The following EPHA4 variants were observed in gnomAD, a reference collection of about 807,000 sequenced individuals.
EPHA4 encodes the protein EPH receptor A4.
In EPHA4, 19 loss-of-function variants were observed where a neutral mutation model predicts 108.3. The ratio of observed to expected loss-of-function variants is 0.18; its 90% CI spans 0.12 to 0.26. EPHA4 has a LOEUF of 0.26. Among genes scored for constraint, EPHA4 ranks in the 10% least tolerant of loss-of-function variants. EPHA4 has a pLI of 1.00. For synonymous variants in EPHA4, 449 were observed against 455.5 expected (o/e 0.99, Z 0.18); for missense variants, 917 against 1,254.0 (o/e 0.73, Z 4.06).
At chr2:221,509,448 T>C (rs1692758681) in intron 3 of EPHA4, among the ~76,000 whole-genome samples, 1 of 152,228 alleles carries the variant, frequency 6.6e-6, no homozygotes, top group South Asian at 2.1e-4. Context: ...TTCAAGTTTA[T>C]TTCATTCATA....
At chr2:221,527,971 T>C (rs1217575993) in intron 3 of EPHA4, among the ~76,000 whole-genome samples, 1 of 152,134 alleles carries the variant, frequency 6.6e-6, no homozygotes, top group Non-Finnish European at 1.5e-5. Flanking sequence ...CTTTCACAAG[T>C]TAAAAGTGTT....
intron 3 of EPHA4, among the ~76,000 whole-genome samples, chr2:221,524,359 A>T (rs967021091): frequency 6.6e-6 from 1 of 152,226 alleles, no homozygotes; most frequent in African/African-American, 2.4e-5. Context: ...TCAAGAGGGA[A>T]AGTGGTAAAT....
At chr2:221,473,226 G>A (rs564524475) in intron 5 of EPHA4, among the ~76,000 whole-genome samples, 10 of 152,228 alleles carry the variant, frequency 6.6e-5, no homozygotes, top group African/African-American at 2.4e-4. Flanking sequence ...GTGGCGGGTG[G>A]AAAGGTGGAC....
At chr2:221,481,625 G>C (rs1691822922) in intron 5 of EPHA4, among the ~76,000 whole-genome samples, 1 of 152,102 alleles carries the variant, frequency 6.6e-6, no homozygotes, top group Non-Finnish European at 1.5e-5. Context: ...CTGCATTCCA[G>C]CTTGGGCGAC....
At chr2:221,478,147 C>T (rs1691714224) in intron 5 of EPHA4, among the ~76,000 whole-genome samples, 3 of 151,898 alleles carry the variant, frequency 2.0e-5, no homozygotes, top group South Asian at 2.1e-4. Context: ...CAAGCAAAGG[C>T]GATGGGAGAT....
At chr2:221,560,753 C>A (rs1694437854) in intron 3 of EPHA4, among the ~76,000 whole-genome samples, 1 of 152,172 alleles carries the variant, frequency 6.6e-6, no homozygotes, top group Non-Finnish European at 1.5e-5. Context: ...TATGGATGAA[C>A]AAACCAAGGC....
chr2:221,571,757 G>C lies in EPHA4; in HGVS notation c.91+401C>G, dbSNP rs1255521482. On this transcript the variant is annotated intron_variant, in intron 1 of 17. Coordinates refer to ENST00000281821, the MANE Select transcript of EPHA4 (RefSeq NM_004438.5). This position sits in a 1 kb window ranked among gnomAD's most constrained non-coding sequence, Gnocchi z 6.3. ...TTTCGCTAGAATCCGGGAGCACCAA[G>C]CCTTCACTGTGCTCCAGGCTGCGTT... is the stretch of plus-strand genomic sequence containing the variant. Among the ~76,000 whole-genome samples the C allele has an allele frequency of 6.6e-6, 1 of 152,196 alleles. No homozygotes were observed. Among genetic ancestry groups the C allele is most frequent in the Non-Finnish European group, 1.5e-5 (1 of 68,028 alleles).
chr2:221,452,118 C>T (rs1025961191), intron 8 of EPHA4, among the ~76,000 whole-genome samples: 4 of 152,220 alleles, frequency 2.6e-5, no homozygotes, highest in African/African-American at 7.2e-5. Context: ...TTTCTCACTA[C>T]GTGAGTTTCT....
intron 3 of EPHA4, among the ~76,000 whole-genome samples, chr2:221,502,224 T>C (rs896716145): frequency 6.6e-6 from 1 of 152,130 alleles, no homozygotes; most frequent in Non-Finnish European, 1.5e-5. Flanking sequence ...CCATGGCCTT[T>C]CATGATCGCC....
In EPHA4 at chr2:221,559,785, C is replaced by T. The variant is rs1399650346; in HGVS notation, c.823+3946G>A. Reference sequence around the variant, plus strand: ...ACTAGAATCATTATATTATCCTCTGCATCCAATCACTAGGCAAGTTCAAAG... The same window carrying T: ...ACTAGAATCATTATATTATCCTCTGTATCCAATCACTAGGCAAGTTCAAAG... On this transcript the variant is annotated intron_variant, in intron 3 of 17. Coordinates refer to ENST00000281821, the MANE Select transcript of EPHA4 (RefSeq NM_004438.5). Among the ~76,000 whole-genome samples the T allele has an allele frequency of 2.0e-5, 3 of 152,160 alleles. No individual in the cohort carries two copies. In the East Asian group the frequency reaches 5.8e-4, roughly 29 times the overall value.
intron 13 of EPHA4, among the ~76,000 whole-genome samples, chr2:221,435,464 T>C (rs922339142): frequency 6.6e-6 from 1 of 152,038 alleles, no homozygotes; most frequent in African/African-American, 2.4e-5. Flanking sequence ...AATAGAATAC[T>C]ATACCCCCCT....
intron 4 of EPHA4, among the ~76,000 whole-genome samples, chr2:221,495,952 T>G (rs1692281405): frequency 1.3e-5 from 2 of 152,246 alleles, no homozygotes; most frequent in South Asian, 4.1e-4. Flanking sequence ...GACAGCATAA[T>G]GAACAAAGAA....
At chr2:221,470,340 G>GGAGA (rs375132663) in intron 5 of EPHA4, among the ~76,000 whole-genome samples, 27 of 148,010 alleles carry the variant, frequency 1.8e-4, no homozygotes, top group South Asian at 2.2e-4. Flanking sequence ...AGGGCGGGGG[G>GGAGA]GAGAGAGAGA....
rs529160190 is a variant in EPHA4, at chr2:221,464,445, T to C, written c.1319-6455A>G. Among the ~76,000 whole-genome samples the C allele has an allele frequency of 2.8e-3, 434 of 152,282 alleles. 1 individual carries two copies. Among genetic ancestry groups the C allele is most frequent in the African/African-American group, 9.9e-3 (410 of 41,548 alleles). On this transcript the variant is annotated intron_variant, in intron 5 of 17. Transcript: ENST00000281821. ...TATCCTTGTGATTAAGGGTTTCGCG[T>C]CTCTGAGATGCTAAGAGCTCTGGTG... is the stretch of plus-strand genomic sequence containing the variant.
At chr2:221,494,531 C>T (rs970849660) in intron 4 of EPHA4, among the ~76,000 whole-genome samples, 1 of 152,076 alleles carries the variant, frequency 6.6e-6, no homozygotes, top group Non-Finnish European at 1.5e-5. Context: ...TGTTTTAACT[C>T]GGGAGGTGGC....
In EPHA4 at chr2:221,564,174, T is replaced by C; in HGVS notation, c.380A>G (p.Tyr127Cys). 1 of 1,614,140 alleles carries C rather than the reference T, an allele frequency of 6.2e-7. No individual in the cohort carries two copies. The highest frequency in any genetic ancestry group is 8.5e-7 in the Non-Finnish European group (1 of 1,180,016). The change falls in exon 3 of 18, where the codon TAT (tyrosine) becomes TGT (cysteine). Residue 127 changes from tyrosine (Y) to cysteine (C), a missense_variant. Coordinates refer to ENST00000281821, the MANE Select transcript of EPHA4 (RefSeq NM_004438.5). ...ACGCTCTTTGTCGTTGTCTGATTCA[T>C]AGTAGTACAGGTTAAACGTCTCCTT... ...TCKETFNLYY[Y>C]ESDNDKERFI...
At position 221,499,336 on chromosome 2, in the gene EPHA4, C is replaced by T. The variant is rs1692401213; in HGVS notation, c.979+1681G>A. Among the ~76,000 whole-genome samples, 3 of 150,956 alleles carry T rather than the reference C, an allele frequency of 2.0e-5. 1 individual carries two copies. In the South Asian group the frequency reaches 6.2e-4, roughly 31 times the overall value. ...GTGTGATCTTGAGCATGTTCCTTAA[C>T]ATCTCTGAGCTTGCAGTTACCTTTT... On this transcript the variant is annotated intron_variant, in intron 4 of 17. Coordinates refer to ENST00000281821, the MANE Select transcript of EPHA4 (RefSeq NM_004438.5).
intron 3 of EPHA4, among the ~76,000 whole-genome samples, chr2:221,513,731 G>A (rs181862630): frequency 1.3e-5 from 2 of 152,206 alleles, no homozygotes; most frequent in East Asian, 1.9e-4. Flanking sequence ...TAACAGATAC[G>A]ATCAGGTTAA....
intron 3 of EPHA4, among the ~76,000 whole-genome samples, chr2:221,539,522 C>A (rs150848365): frequency 6.6e-6 from 1 of 152,022 alleles, no homozygotes; most frequent in Non-Finnish European, 1.5e-5. Flanking sequence ...AGCAGGAGGG[C>A]CTTTGGGGCA....
Sources: allele counts gnomAD v4.1 joint callset (sites outside exome capture counted in the v4.1 genomes callset), GRCh38; gene constraint gnomAD v4.1.1; non-coding constraint Gnocchi (gnomAD v3.1); transcripts MANE v1.5; gene names NCBI Gene and HGNC (gene_info 2026-07-23, HGNC 2026-07-21).